APLF: variants seen among roughly 807,000 people sequenced by gnomAD.
APLF encodes the protein aprataxin and PNKP like factor.
Under a neutral mutation model 55.6 loss-of-function variants are expected in APLF, and 61 were observed. That is an observed-to-expected ratio of 1.10 (90% CI 0.89 to 1.36). APLF has a LOEUF of 1.36. Among genes scored for constraint, APLF ranks in the 40% most tolerant of loss-of-function variants. The pLI, the probability that APLF is intolerant of heterozygous loss-of-function variation, is 0.00. For synonymous variants in APLF, 207 were observed against 214.8 expected, an observed-to-expected ratio of 0.96 and a Z score of 0.32; for missense variants, 611 against 602.5, an observed-to-expected ratio of 1.01 and a Z score of -0.15.
chr2:68,554,837 C>A (rs901412243), intron 8 of APLF, among the ~76,000 whole-genome samples: 4 of 151,794 alleles, frequency 2.6e-5, no homozygotes, highest in Non-Finnish European at 5.9e-5. Context: ...TCCTAAAATT[C>A]ATATGGAACT....
At chr2:68,545,682 A>G (rs766393528) in intron 8 of APLF, among the ~76,000 whole-genome samples, 1 of 152,150 alleles carries the variant, frequency 6.6e-6, no homozygotes, top group Non-Finnish European at 1.5e-5. Context: ...CTCAACTTTT[A>G]CTACTCCACT....
At position 68,521,968 on chromosome 2, in the gene APLF, G is replaced by T. The variant is rs1299825123; in HGVS notation, c.623-4093G>T. Reference sequence around the variant, plus strand: ...ACTTTGTTTCCAGCAACTTTGCCAAGTTATTTAATTTTAGTAGTTTTTGAA... The same window carrying T: ...ACTTTGTTTCCAGCAACTTTGCCAATTTATTTAATTTTAGTAGTTTTTGAA... On this transcript the variant is annotated intron_variant, in intron 5 of 9. Transcript: ENST00000303795. Among the ~76,000 whole-genome samples, 3 of 151,896 alleles carry T rather than the reference G, an allele frequency of 2.0e-5. No homozygotes were observed. In the East Asian group the frequency reaches 5.8e-4, roughly 29 times the overall value.
At chr2:68,528,358 G>T (rs200112453) in intron 6 of APLF, 1 of 1,531,808 alleles carries the variant, frequency 6.5e-7, no homozygotes, top group Non-Finnish European at 8.7e-7. Context: ...CTTCTCTTTG[G>T]GAAGCCTGAC....
intron 9 of APLF, among the ~76,000 whole-genome samples, chr2:68,576,691 G>A (rs1176052384): frequency 1.3e-5 from 2 of 152,038 alleles, no homozygotes; most frequent in Non-Finnish European, 2.9e-5. Flanking sequence ...GGGTTAAAAG[G>A]ACAGATACAT....
intron 2 of APLF, among the ~76,000 whole-genome samples, chr2:68,495,070 G>T (rs1288351339): frequency 2.6e-5 from 4 of 152,108 alleles, no homozygotes; most frequent in African/African-American, 9.7e-5. Flanking sequence ...AGCATTTGTG[G>T]ATTACAATTC....
intron 1 of APLF, among the ~76,000 whole-genome samples, chr2:68,478,753 G>A (rs1369750594): frequency 6.6e-6 from 1 of 152,120 alleles, no homozygotes; most frequent in African/African-American, 2.4e-5. Context: ...ACAGTTATTA[G>A]TAAGGAAGAG....
chr2:68,553,930 AC>A (rs1421956966), intron 8 of APLF, among the ~76,000 whole-genome samples: 3 of 151,978 alleles, frequency 2.0e-5, no homozygotes, highest in Non-Finnish European at 2.9e-5. Flanking sequence ...TCCCAGTCCT[AC>A]CTTTTAATCA....
chr2:68,474,806 T>A (rs1274146793), intron 1 of APLF, among the ~76,000 whole-genome samples: 1 of 152,190 alleles, frequency 6.6e-6, no homozygotes, highest in Non-Finnish European at 1.5e-5. Context: ...GTAGCTGGAA[T>A]TATAGGCATG....
At position 68,557,198 on chromosome 2, in the gene APLF, T is replaced by C. The variant is rs890539899; in HGVS notation, c.1287-10143T>C. On this transcript the variant is annotated intron_variant, in intron 8 of 9. Coordinates refer to ENST00000303795, the MANE Select transcript of APLF (RefSeq NM_173545.3). The stretch of plus-strand genomic sequence containing the variant: ...TTTGCATATATCCTACACACATCCT[T>C]CCATGCACTTTAAATCATCTCTAGA... 2.0e-5 allele frequency among the ~76,000 whole-genome samples: 3 copies of C among 152,162 alleles called. No homozygotes were observed. In the East Asian group the frequency reaches 5.8e-4, roughly 29 times the overall value.
intron 8 of APLF, among the ~76,000 whole-genome samples, chr2:68,554,851 A>G (rs1000875410): frequency 3.3e-5 from 5 of 152,038 alleles, no homozygotes; most frequent in African/African-American, 1.2e-4. Flanking sequence ...TGGAACTAAA[A>G]CAAGACTAAG....
intron 9 of APLF, among the ~76,000 whole-genome samples, chr2:68,571,791 A>G (rs943847390): frequency 6.6e-6 from 1 of 152,100 alleles, no homozygotes; most frequent in African/African-American, 2.4e-5. Flanking sequence ...TTTTTGTTCC[A>G]TATGAACTTT....
At chr2:68,545,353 T>G in intron 8 of APLF, 41 bp downstream of exon 8, 1 of 1,586,188 alleles carries the variant, frequency 6.3e-7, no homozygotes, top group Non-Finnish European at 8.6e-7. Flanking sequence ...TTTTCTTTCT[T>G]ATCTCTGTTA....
At chr2:68,517,632 CAA>C (rs1300255664) in intron 5 of APLF, among the ~76,000 whole-genome samples, 6 of 143,578 alleles carry the variant, frequency 4.2e-5, no homozygotes, top group African/African-American at 1.3e-4. Context: ...TAACATGTAA[CAA>C]TATATCACTA....
At chr2:68,565,082 C>T (rs539671095) in intron 8 of APLF, among the ~76,000 whole-genome samples, 3 of 152,184 alleles carry the variant, frequency 2.0e-5, no homozygotes, top group South Asian at 2.1e-4. Flanking sequence ...AAATTTCCCT[C>T]ATGACAAAAA....
intron 1 of APLF, among the ~76,000 whole-genome samples, chr2:68,471,434 C>T (rs1468317677): frequency 6.6e-6 from 1 of 152,102 alleles, no homozygotes; most frequent in African/African-American, 2.4e-5. Flanking sequence ...TCTTTGCTCT[C>T]AAGAAACTTA....
chr2:68,558,110 A>G (rs1244711660), intron 8 of APLF, among the ~76,000 whole-genome samples: 1 of 152,188 alleles, frequency 6.6e-6, no homozygotes, highest in African/African-American at 2.4e-5. Flanking sequence ...TAATTTTTTT[A>G]AACTTCATTT....
Position 68,538,052 on chromosome 2 carries a change from T to C in APLF, c.985T>C (p.Ser329Pro), listed in dbSNP as rs745380204. The C allele has an allele frequency of 3.7e-6, 6 of 1,614,028 alleles. No individual in the cohort carries two copies. The highest frequency in any genetic ancestry group is 5.1e-6 in the Non-Finnish European group (6 of 1,180,010). ...DEAMSCSENC[S>P]SAQGDSLQDE... is the part of the protein sequence containing the mutation. Reference sequence around the variant, plus strand: ...GGCAATGAGCTGTTCTGAAAATTGTTCGAGTGCCCAGGGCGACTCACTTCA... The same window carrying C: ...GGCAATGAGCTGTTCTGAAAATTGTCCGAGTGCCCAGGGCGACTCACTTCA... Residue 329 changes from serine (S) to proline (P), a missense_variant, in exon 7 of 10, where the codon TCG becomes CCG. By Grantham distance (74) the Ser-to-Pro change is moderately conservative. Transcript: ENST00000303795.
At chr2:68,576,662 TA>T (rs1671634018) in intron 9 of APLF, among the ~76,000 whole-genome samples, 1 of 152,182 alleles carries the variant, frequency 6.6e-6, no homozygotes, top group African/African-American at 2.4e-5. Flanking sequence ...AAGAAAAATA[TA>T]AATATATTGG....
At chr2:68,508,710 GA>G (rs1280803932) in intron 3 of APLF, among the ~76,000 whole-genome samples, 1 of 151,870 alleles carries the variant, frequency 6.6e-6, no homozygotes, top group Non-Finnish European at 1.5e-5. Context: ...CACAGAATTG[GA>G]AAAAACTACT....
Sources: allele counts gnomAD v4.1 joint callset (sites outside exome capture counted in the v4.1 genomes callset), GRCh38; gene constraint gnomAD v4.1.1; transcripts MANE v1.5; gene names NCBI Gene and HGNC (gene_info 2026-07-23, HGNC 2026-07-21).